Variants in CLSTN2 observed in about 807,000 individuals in gnomAD.
CLSTN2 encodes calsyntenin-2.
CLSTN2 carries 48 observed loss-of-function variants against 101.2 expected under a neutral mutation model. That is an observed-to-expected ratio of 0.47 (90% CI 0.38 to 0.60). The LOEUF (loss-of-function observed/expected upper bound fraction) is 0.60. Among genes scored for constraint, CLSTN2 ranks in the 20% least tolerant of loss-of-function variants. CLSTN2 has a pLI of 0.00. For missense variants in CLSTN2, 1,160 were observed against 1,238.2 expected (o/e 0.94, Z 0.95); for synonymous variants, 481 against 463.6 (o/e 1.04, Z -0.48).
At chr3:140,077,436 C>G (rs1040602174) in intron 1 of CLSTN2, among the ~76,000 whole-genome samples, 28 of 152,184 alleles carry the variant, frequency 1.8e-4, no homozygotes, top group Non-Finnish European at 2.9e-4. Context: ...AGCACCTGCT[C>G]AAAACTCCTT....
At chr3:140,442,871 A>G (rs1004163858) in intron 5 of CLSTN2, among the ~76,000 whole-genome samples, 2 of 152,082 alleles carry the variant, frequency 1.3e-5, no homozygotes, top group African/African-American at 2.4e-5. Flanking sequence ...CTCACCCCCA[A>G]TTCAGATGCA....
Position 140,543,090 on chromosome 3 carries a change from T to C in CLSTN2, c.1508-3425T>C, listed in dbSNP as rs187498910. Among the ~76,000 whole-genome samples the C allele has an allele frequency of 6.6e-5, 10 of 152,326 alleles. No homozygotes were observed. In the East Asian group the frequency reaches 1.9e-3, roughly 29 times the overall value. On this transcript the variant is annotated intron_variant, in intron 9 of 16. Transcript: ENST00000458420. ...TTTATGAAGATTCCATGAGATGATG[T>C]ACCCTGAGGATATCACATGGTGTTG...
At chr3:140,227,684 G>C (rs1487748646) in intron 2 of CLSTN2, among the ~76,000 whole-genome samples, 2 of 152,108 alleles carry the variant, frequency 1.3e-5, no homozygotes, top group Non-Finnish European at 2.9e-5. Flanking sequence ...GCAAACTTCT[G>C]TCTGGGCATC....
intron 2 of CLSTN2, among the ~76,000 whole-genome samples, chr3:140,403,343 TA>T (rs1390238146): frequency 6.6e-6 from 1 of 151,516 alleles, no homozygotes; most frequent in Non-Finnish European, 1.5e-5. Context: ...AAACCAGGAG[TA>T]AAGGAAAGAG....
At chr3:139,993,852 T>C (rs753163121) in intron 1 of CLSTN2, among the ~76,000 whole-genome samples, 2 of 151,924 alleles carry the variant, frequency 1.3e-5, no homozygotes, top group Non-Finnish European at 2.9e-5. Context: ...TTAAAGAAAG[T>C]ATATGACAAG....
intron 8 of CLSTN2, among the ~76,000 whole-genome samples, chr3:140,481,879 T>C (rs1314823987): frequency 6.6e-6 from 1 of 152,224 alleles, no homozygotes; most frequent in African/African-American, 2.4e-5. Flanking sequence ...AAATAAACAA[T>C]CATGTCGTCT....
At chr3:140,255,512 C>G (rs906442196) in intron 2 of CLSTN2, among the ~76,000 whole-genome samples, 1 of 152,042 alleles carries the variant, frequency 6.6e-6, no homozygotes. Context: ...AACAGAAAAC[C>G]AAATACTGCA....
At chr3:139,950,658 C>T (rs35018094) in intron 1 of CLSTN2, among the ~76,000 whole-genome samples, 7,215 of 152,228 alleles carry the variant, frequency 0.047, 253 homozygotes, top group Non-Finnish European at 0.074. Context: ...GTAGTGCCCC[C>T]ATTATTATTT....
At chr3:140,116,490 T>A (rs143791929) in intron 1 of CLSTN2, among the ~76,000 whole-genome samples, 6 of 152,242 alleles carry the variant, frequency 3.9e-5, no homozygotes, top group African/African-American at 1.4e-4. Flanking sequence ...GAAAATGGAC[T>A]GGTTTTCTCC....
chr3:140,324,700 T>C (rs1324663157), intron 2 of CLSTN2, among the ~76,000 whole-genome samples: 1 of 152,248 alleles, frequency 6.6e-6, no homozygotes, highest in Admixed American at 6.5e-5. Flanking sequence ...TTGACATGAA[T>C]CTGCATGTAT....
At chr3:140,516,228 T>C (rs554733657) in intron 8 of CLSTN2, among the ~76,000 whole-genome samples, 1 of 152,282 alleles carries the variant, frequency 6.6e-6, no homozygotes, top group East Asian at 1.9e-4. Context: ...TAAGTCCTTA[T>C]GTGTTATGTG....
chr3:140,526,139 C>T (rs1449122143), intron 8 of CLSTN2, among the ~76,000 whole-genome samples: 2 of 152,094 alleles, frequency 1.3e-5, no homozygotes, highest in Non-Finnish European at 2.9e-5. Flanking sequence ...GTCAAACCAT[C>T]TCTCTTTTCA....
At chr3:140,395,505 G>A (rs2088171446) in intron 2 of CLSTN2, among the ~76,000 whole-genome samples, 1 of 152,194 alleles carries the variant, frequency 6.6e-6, no homozygotes, top group Non-Finnish European at 1.5e-5. Context: ...GAAGGGCAGA[G>A]ATGGAACTCA....
At chr3:140,562,789 C>T in intron 13 of CLSTN2, 22 bp from the exon 14 acceptor site, 1 of 1,611,798 alleles carries the variant, frequency 6.2e-7, no homozygotes, top group South Asian at 1.1e-5. Context: ...CTTCTGATGA[C>T]AGGTGTGGTC....
chr3:140,377,326 T>C (rs2087928060), intron 2 of CLSTN2, among the ~76,000 whole-genome samples: 1 of 152,258 alleles, frequency 6.6e-6, no homozygotes, highest in Admixed American at 6.5e-5. Context: ...GATTTATGTA[T>C]TTATTTTTTA....
chr3:140,085,076 A>G (rs2008658504), intron 1 of CLSTN2, among the ~76,000 whole-genome samples: 1 of 152,240 alleles, frequency 6.6e-6, no homozygotes, highest in South Asian at 2.1e-4. Flanking sequence ...TAGGATTGTC[A>G]GATATTTCGA....
chr3:140,386,809 G>A (rs2088056864), intron 2 of CLSTN2, among the ~76,000 whole-genome samples: 1 of 152,136 alleles, frequency 6.6e-6, no homozygotes, highest in Admixed American at 6.5e-5. Flanking sequence ...TGTCAGCAGG[G>A]CAGCTATAAT....
chr3:140,288,469 T>C (rs1299740341), intron 2 of CLSTN2, among the ~76,000 whole-genome samples: 1 of 152,106 alleles, frequency 6.6e-6, no homozygotes, highest in African/African-American at 2.4e-5. Context: ...ATTTCCCAGG[T>C]GTTTTAGAAA....
At chr3:140,133,624 G>A (rs980878582) in intron 1 of CLSTN2, among the ~76,000 whole-genome samples, 2 of 152,174 alleles carry the variant, frequency 1.3e-5, no homozygotes, top group African/African-American at 2.4e-5. Context: ...GCAGAGGTGG[G>A]GGGGCCAGGA....
Sources: allele counts gnomAD v4.1 joint callset (sites outside exome capture counted in the v4.1 genomes callset), GRCh38; gene constraint gnomAD v4.1.1; transcripts MANE v1.5; gene names NCBI Gene and HGNC (gene_info 2026-07-23, HGNC 2026-07-21).